The following PEAK1 variants were observed in gnomAD, a reference collection of about 807,000 sequenced individuals.
The protein encoded by PEAK1 is inactive tyrosine-protein kinase PEAK1.
In PEAK1, 54 loss-of-function variants were observed where a neutral mutation model predicts 124.7. That is an observed-to-expected ratio of 0.43 (90% CI 0.35 to 0.54). The LOEUF (loss-of-function observed/expected upper bound fraction) is 0.54, where lower values mean the gene tolerates loss of function less well. Among genes scored for constraint, PEAK1 ranks in the 20% least tolerant of loss-of-function variants. The probability of loss-of-function intolerance (pLI) is 0.01; values close to 1 mark genes in which losing one functional copy is unlikely to be tolerated. For missense variants in PEAK1, 2,046 were observed against 2,134.5 expected, an observed-to-expected ratio of 0.96 and a Z score of 0.82; for synonymous variants, 719 against 760.0, an observed-to-expected ratio of 0.95 and a Z score of 0.89.
chr15:77,246,133 C>G (rs969210902), intron 6 of PEAK1, among the ~76,000 whole-genome samples: 4 of 151,598 alleles, frequency 2.6e-5, no homozygotes, highest in African/African-American at 7.3e-5. Context: ...CTCAGCCTCT[C>G]GAGTAGCTGG....
At chr15:77,135,341 T>C (rs2152744389) in intron 8 of PEAK1, among the ~76,000 whole-genome samples, 2 of 152,312 alleles carry the variant, frequency 1.3e-5, no homozygotes, top group Admixed American at 1.3e-4. Context: ...CAATATAATC[T>C]GGGATTGTAA....
At chr15:77,407,461 GAA>G (rs2071925628) in intron 1 of PEAK1, among the ~76,000 whole-genome samples, 1 of 152,058 alleles carries the variant, frequency 6.6e-6, no homozygotes, top group Non-Finnish European at 1.5e-5. Context: ...CTAAGGACAT[GAA>G]AAGACAATTC....
chr15:77,227,378 CAG>C (rs1288932666), intron 6 of PEAK1, among the ~76,000 whole-genome samples: 1 of 152,024 alleles, frequency 6.6e-6, no homozygotes, highest in African/African-American at 2.4e-5. Flanking sequence ...GAAGATCAAA[CAG>C]GGGCTGATGG....
intron 6 of PEAK1, among the ~76,000 whole-genome samples, chr15:77,224,384 T>C (rs1365082616): frequency 6.6e-6 from 1 of 152,082 alleles, no homozygotes; most frequent in Non-Finnish European, 1.5e-5. Context: ...TGGTTTTTAC[T>C]AATACACTGT....
intron 2 of PEAK1, among the ~76,000 whole-genome samples, chr15:77,296,771 A>C (rs2063507577): frequency 6.6e-6 from 1 of 151,776 alleles, no homozygotes; most frequent in South Asian, 2.1e-4. Flanking sequence ...TGTTCTTAGG[A>C]GGTCTCATGT....
rs1249390675 is a variant in PEAK1 at position 77,226,491 on chromosome 15, G to C, written c.-115+25876C>G. Among the ~76,000 whole-genome samples the C allele has an allele frequency of 2.0e-5, 3 of 151,978 alleles. No individual in the cohort carries two copies. The South Asian group carries it at 6.2e-4, about 32-fold the overall frequency. On this transcript the variant is annotated intron_variant, in intron 6 of 9. Transcript: ENST00000682557. The stretch of plus-strand genomic sequence containing the variant: ...AAGACAATGAATAACTTTGTAACAG[G>C]GTCCAGAAATAATTAGCCACTCCAG...
rs767012159 is a variant in PEAK1 at position 77,181,450 on chromosome 15, C to G, written c.477G>C (p.Leu159Phe). The stretch of plus-strand genomic sequence containing the variant: ...TTCCTCTTATCTGAGGGGCAGTATC[C>G]AAGCCTGCTATCTCCTTTAACACTT... The part of the protein sequence containing the change: ...LTEVLKEIAG[L>F]DTAPQIRGNE... Residue 159 changes from leucine (L) to phenylalanine (F), a missense_variant, in exon 7 of 10, where the codon TTG becomes TTC. By Grantham distance (22) the Leu-to-Phe change is conservative. Coordinates refer to ENST00000682557, the MANE Select transcript of PEAK1 (RefSeq NM_001385026.1). 7 of 1,613,974 alleles carry G rather than the reference C, an allele frequency of 4.3e-6. No individual in the cohort carries two copies. The East Asian group carries it at 1.3e-4, about 31-fold the overall frequency.
chr15:77,332,762 C>A (rs529518902), intron 2 of PEAK1, among the ~76,000 whole-genome samples: 1 of 151,642 alleles, frequency 6.6e-6, no homozygotes, highest in Non-Finnish European at 1.5e-5. Context: ...TTTTTTTTAA[C>A]GGTACCTTAT....
chr15:77,376,608 G>A (rs1390030275), intron 1 of PEAK1, among the ~76,000 whole-genome samples: 1 of 151,984 alleles, frequency 6.6e-6, no homozygotes, highest in Admixed American at 6.6e-5. Context: ...ATATTTCGAA[G>A]ATACACTTTT....
intron 6 of PEAK1, among the ~76,000 whole-genome samples, chr15:77,246,483 C>T (rs917378824): frequency 5.9e-5 from 9 of 152,080 alleles, no homozygotes; most frequent in African/African-American, 1.9e-4. Flanking sequence ...GTCTGGACCT[C>T]CAGCCTGGGT....
At chr15:77,105,058 A>G (rs1684782773), downstream of PEAK1, 2 of 152,096 alleles carry the variant, frequency 1.3e-5, no homozygotes, top group Middle Eastern at 6.8e-3. Context: ...CCATCCCCCA[A>G]CCCTGGGCAA....
At chr15:77,364,552 C>T (rs915055611) in intron 2 of PEAK1, among the ~76,000 whole-genome samples, 5 of 152,000 alleles carry the variant, frequency 3.3e-5, no homozygotes, top group Admixed American at 2.0e-4. Context: ...AGACTTACAA[C>T]GATGTATTTG....
At chr15:77,251,896 A>G (rs923397046) in intron 6 of PEAK1, among the ~76,000 whole-genome samples, 3 of 152,226 alleles carry the variant, frequency 2.0e-5, no homozygotes, top group African/African-American at 7.2e-5. Flanking sequence ...TATGACTGCA[A>G]AACTGTCCTG....
intron 2 of PEAK1, among the ~76,000 whole-genome samples, chr15:77,311,164 G>A (rs1050250192): frequency 3.9e-5 from 6 of 152,130 alleles, no homozygotes; most frequent in South Asian, 2.1e-4. Flanking sequence ...TAATGAAGAC[G>A]GAAGTAGATG....
intron 2 of PEAK1, among the ~76,000 whole-genome samples, chr15:77,313,710 G>GTA (rs1422588240): frequency 0.036 from 3,875 of 107,880 alleles, 213 homozygotes; most frequent in African/African-American, 0.12. Context: ...ATATATGTAT[G>GTA]TGTGTGTGTG....
chr15:77,179,285 T>A lies in PEAK1; in HGVS notation c.2642A>T (p.His881Leu). ...PPPRSTSSPY[H>L]AGNLLQRHFT... ...ATGCCTCTGCAAAAGGTTACCTGCA[T>A]GGTAAGGAGAAGAAGTAGAGCGTGG... The change falls in exon 7 of 10, where the codon CAT (histidine) becomes CTT (leucine). Residue 881 changes from histidine to leucine, a missense_variant. His to Leu is a moderately conservative substitution (Grantham distance 99). Transcript: ENST00000682557. 6.2e-7 allele frequency: 1 copy of A among 1,613,964 alleles called. No individual in the cohort carries two copies. Among genetic ancestry groups the A allele is most frequent in the Non-Finnish European group, 8.5e-7 (1 of 1,179,994 alleles).
At chr15:77,261,448 C>A (rs2061435063) in intron 5 of PEAK1, among the ~76,000 whole-genome samples, 1 of 152,138 alleles carries the variant, frequency 6.6e-6, no homozygotes, top group Non-Finnish European at 1.5e-5. Flanking sequence ...GAGCTGAAAA[C>A]CACGGCACGA....
intron 9 of PEAK1, among the ~76,000 whole-genome samples, chr15:77,128,613 T>C (rs1055834578): frequency 1.3e-5 from 2 of 152,214 alleles, no homozygotes; most frequent in African/African-American, 2.4e-5. Flanking sequence ...GAAGATTTAA[T>C]AGAACTTGAC....
chr15:77,412,645 C>T (rs764610849), intron 1 of PEAK1, among the ~76,000 whole-genome samples: 15 of 152,054 alleles, frequency 9.9e-5, no homozygotes, highest in Non-Finnish European at 2.2e-4. Flanking sequence ...CTAGTTCTTT[C>T]CACTGAGAAA....
Sources: allele counts gnomAD v4.1 joint callset (sites outside exome capture counted in the v4.1 genomes callset), GRCh38; gene constraint gnomAD v4.1.1; transcripts MANE v1.5; gene names NCBI Gene and HGNC (gene_info 2026-07-23, HGNC 2026-07-21).